TYRO3: variants seen among roughly 807,000 people sequenced by gnomAD.
The protein encoded by TYRO3 is TYRO3 protein tyrosine kinase.
TYRO3 carries 38 observed loss-of-function variants against 95.2 expected under a neutral mutation model. The observed-to-expected ratio is 0.40, with a 90% CI of 0.31 to 0.52. TYRO3 has a LOEUF of 0.52. TYRO3 is among the 20% of genes least tolerant of loss of function. The pLI is 0.56. For synonymous variants in TYRO3, 367 were observed against 432.9 expected (o/e 0.85, Z 1.89); for missense variants, 812 against 1,116.4 (o/e 0.73, Z 3.89).
chr15:41,571,787 G>T, intron 14 of TYRO3, 100 bp downstream of exon 14: 1 of 535,162 alleles, frequency 1.9e-6, no homozygotes. Flanking sequence ...GGACTCATCT[G>T]GTAAATAAAT....
chr15:41,576,821 C>T (rs1454771456), intron 18 of TYRO3, among the ~76,000 whole-genome samples: 3 of 78,346 alleles, frequency 3.8e-5, no homozygotes, highest in East Asian at 7.9e-4. Flanking sequence ...ACCACCATAC[C>T]TTGCTTATTA....
Position 41,571,585 on chromosome 15 carries a change from C to T in TYRO3, c.1661-10C>T, listed in dbSNP as rs368336147. The T allele has an allele frequency of 5.5e-5, 67 of 1,217,094 alleles. No homozygotes were observed. Among genetic ancestry groups the T allele is most frequent in the Non-Finnish European group, 7.7e-5 (63 of 820,462 alleles). The allele number at this position is 1,217,094 out of a possible 1,614,324, so 75.4% of individuals were successfully genotyped here. Reference sequence around the variant, plus strand: ...GTTTTATTTCCTCCTTCCCCATCCCCTTCTCCTAGCTGACATCATTGCCTC... The same window carrying T: ...GTTTTATTTCCTCCTTCCCCATCCCTTTCTCCTAGCTGACATCATTGCCTC... On this transcript the variant is annotated splice_polypyrimidine_tract_variant and intron_variant, in intron 13 of 18. Coordinates refer to ENST00000263798, the MANE Select transcript of TYRO3 (RefSeq NM_006293.4).
At chr15:41,567,318 A>G in intron 6 of TYRO3, 42 bp from the exon 7 acceptor site, 1 of 1,431,358 alleles carries the variant, frequency 7.0e-7, no homozygotes, top group South Asian at 1.6e-5. Flanking sequence ...TCCATCTCTC[A>G]CAGGCTCTCC....
rs149970849 is a variant in TYRO3, at chr15:41,570,746, G to A, written c.1579+47G>A. ...TGGGCATGGCTGGTTTGCTGTAGCTGGAAGTGTTTGGTTGCCCCTGTCACT... is the reference window on the plus strand; with the variant it reads ...TGGGCATGGCTGGTTTGCTGTAGCTAGAAGTGTTTGGTTGCCCCTGTCACT... On this transcript the variant is annotated intron_variant, in intron 12 of 18. Coordinates refer to ENST00000263798, the MANE Select transcript of TYRO3 (RefSeq NM_006293.4). 600 of 1,433,930 alleles carry A rather than the reference G, an allele frequency of 4.2e-4. 3 individuals are homozygous for A. In the African/African-American group the frequency reaches 6.6e-3, roughly 16 times the overall value. The allele number at this position is 1,433,930 out of a possible 1,614,324, so 88.8% of individuals were successfully genotyped here. A position where few individuals can be genotyped will look rare whatever the true frequency, so the allele number is the denominator to read the frequency against.
rs1368152082 is a variant in TYRO3 at position 41,578,600 on chromosome 15, G to C, written c.*324G>C. 2.4e-6 allele frequency: 1 copy of C among 418,632 alleles called. No homozygotes were observed. Among genetic ancestry groups the C allele is most frequent in the South Asian group, 2.7e-5 (1 of 36,652 alleles). 25.9% of individuals were successfully genotyped at this position (418,632 alleles called of 1,614,324 possible). On this transcript the variant is annotated 3_prime_UTR_variant, in exon 19 of 19. Transcript: ENST00000263798. ...TGGGTGTGGATGGCAGTGTGGGGAGGGCAGGTCCAGCTCTGTGGGCCCTAC... is the reference window on the plus strand; with the variant it reads ...TGGGTGTGGATGGCAGTGTGGGGAGCGCAGGTCCAGCTCTGTGGGCCCTAC...
chr15:41,559,835 A>G (rs750345187), intron 1 of TYRO3, among the ~76,000 whole-genome samples: 2 of 152,238 alleles, frequency 1.3e-5, no homozygotes, highest in Non-Finnish European at 2.9e-5. Context: ...GAGGGTGCCC[A>G]GTCACAAAAA....
At chr15:41,574,566 A>G in intron 18 of TYRO3, 1 of 445,046 alleles carries the variant, frequency 2.2e-6, no homozygotes, top group Non-Finnish European at 4.5e-6. Flanking sequence ...CTAGTAAGTG[A>G]ATAAGTTGGA....
intron 6 of TYRO3, among the ~76,000 whole-genome samples, chr15:41,566,598 G>A (rs2055728239): frequency 6.6e-6 from 1 of 152,206 alleles, no homozygotes; most frequent in Admixed American, 6.5e-5. Context: ...CCAAGGGGCA[G>A]CCATTCGTGA....
Position 41,570,330 on chromosome 15 carries a change from C to G in TYRO3, c.1473C>G (p.Ile491Met). ...RSFNRERPERIEATLDSLGIS... is the reference protein window; with the variant it reads ...RSFNRERPERMEATLDSLGIS... ...TCAATCGAGAAAGGCCCGAGCGCAT[C>G]GAGGCCACATGTGAGTGGTGGGTGA... Residue 491 changes from isoleucine to methionine, a missense_variant, in exon 11 of 19, where the codon ATC becomes ATG. By Grantham distance (10) the Ile-to-Met change is conservative. Transcript: ENST00000263798. 6.2e-7 allele frequency: 1 copy of G among 1,614,014 alleles called. No individual in the cohort carries two copies. The highest frequency in any genetic ancestry group is 8.5e-7 in the Non-Finnish European group (1 of 1,179,966).
intron 1 of TYRO3, 69 bp from the exon 2 acceptor site, chr15:41,561,058 G>C (rs747606433): frequency 6.3e-6 from 10 of 1,580,756 alleles, no homozygotes; most frequent in Non-Finnish European, 8.7e-6. Flanking sequence ...CCTTCTAGAA[G>C]AGAATGGGAA....
In TYRO3 at chr15:41,580,643, A is replaced by C. The variant is rs1008225641; in HGVS notation, c.*2367A>C. 3 of 127,022 alleles carry C rather than the reference A, an allele frequency of 2.4e-5. No homozygotes were observed. Among genetic ancestry groups the C allele is most frequent in the African/African-American group, 9.4e-5 (3 of 32,040 alleles). 7.9% of individuals were successfully genotyped at this position (127,022 alleles called of 1,614,324 possible). ...TGGCGTGTATTTTTTTTTTTTTTTG[A>C]GACGGAGTCTCGAGTCTCTCTCTGT... is the stretch of plus-strand genomic sequence containing the variant. On this transcript the variant is annotated 3_prime_UTR_variant, in exon 19 of 19. Transcript: ENST00000263798.
Position 41,567,388 on chromosome 15 carries a change from T to G in TYRO3, c.812T>G (p.Val271Gly). The G allele has an allele frequency of 6.3e-7, 1 of 1,590,042 alleles. No individual in the cohort carries two copies. Among genetic ancestry groups the G allele is most frequent in the Non-Finnish European group, 8.5e-7 (1 of 1,171,584 alleles). Residue 271 changes from valine to glycine, a missense_variant, in exon 7 of 19, where the codon GTC (valine) becomes GGC (glycine). By Grantham distance (109) the Val-to-Gly change is moderately radical (BLOSUM62 -3). Coordinates refer to ENST00000263798, the MANE Select transcript of TYRO3 (RefSeq NM_006293.4). ...ACACAGGCCCCAGGAGGCTGGGAAG[T>G]CCTGGCTGTTGTGGTCCCTGTGCCC... ...QVTQAPGGWE[V>G]LAVVVPVPPF...
chr15:41,563,448 GCTAGGTTCTC>G (rs1158835940), intron 4 of TYRO3, among the ~76,000 whole-genome samples: 30 of 152,216 alleles, frequency 2.0e-4, no homozygotes, highest in African/African-American at 6.8e-4. Context: ...TGGGCGCTGA[GCTAGGTTCTC>G]CAGCAATTTG....
Position 41,562,544 on chromosome 15 carries a change from C to T in TYRO3, c.410-4C>T, listed in dbSNP as rs771536323. 4 of 1,373,464 alleles carry T rather than the reference C, an allele frequency of 2.9e-6. No individual in the cohort carries two copies. Among genetic ancestry groups the T allele is most frequent in the Non-Finnish European group, 4.0e-6 (4 of 1,007,548 alleles). 85.1% of individuals were successfully genotyped at this position (1,373,464 alleles called of 1,614,324 possible). On this transcript the variant is annotated splice_polypyrimidine_tract_variant and splice_region_variant and intron_variant, in intron 3 of 18. Coordinates refer to ENST00000263798, the MANE Select transcript of TYRO3 (RefSeq NM_006293.4). ...GCTCACTCCTCACTCCCCTTCTCTC[C>T]TAGGTGTGCCATTTTTCACAGTGGA...
intron 5 of TYRO3, chr15:41,564,704 C>T: frequency 2.6e-6 from 1 of 389,174 alleles, no homozygotes; most frequent in Non-Finnish European, 4.8e-6. Context: ...GCTGCAGGGG[C>T]AGCTGCCTGT....
intron 15 of TYRO3, 99 bp from the exon 16 acceptor site, chr15:41,572,902 TC>T (rs1394338078): frequency 1.1e-6 from 1 of 951,452 alleles, no homozygotes; most frequent in African/African-American, 1.7e-5. Context: ...TTCCAGTGAT[TC>T]TGGGGACAGC....
Position 41,564,752 on chromosome 15 carries a change from C to A in TYRO3, c.668-274C>A, listed in dbSNP as rs1442570272. ...TCTCCCAAGCCTGAGGTGCTGCCCCCACATACCCTCTCATCTTATTCCTCA... is the reference window on the plus strand; with the variant it reads ...TCTCCCAAGCCTGAGGTGCTGCCCCAACATACCCTCTCATCTTATTCCTCA... On this transcript the variant is annotated intron_variant, in intron 5 of 18. Transcript: ENST00000263798. 6.5e-6 allele frequency: 3 copies of A among 460,460 alleles called. No homozygotes were observed. The South Asian group carries it at 6.8e-5, about 10-fold the overall frequency. The allele number at this position is 460,460 out of a possible 1,614,324, so 28.5% of individuals were successfully genotyped here.
Position 41,581,503 on chromosome 15 carries a change from G to A in TYRO3, c.*3227G>A, listed in dbSNP as rs1455180268. The A allele has an allele frequency of 1.3e-5, 2 of 152,488 alleles. No individual in the cohort carries two copies. The highest frequency in any genetic ancestry group is 2.9e-5 in the Non-Finnish European group (2 of 68,028). 9.4% of individuals were successfully genotyped at this position (152,488 alleles called of 1,614,324 possible). A position where few individuals can be genotyped will look rare whatever the true frequency, so the allele number is the denominator to read the frequency against. On this transcript the variant is annotated 3_prime_UTR_variant, in exon 19 of 19. Coordinates refer to ENST00000263798, the MANE Select transcript of TYRO3 (RefSeq NM_006293.4). The stretch of plus-strand genomic sequence containing the variant: ...CACTGCAGGTAGTGATTACCTGTGA[G>A]ATAACATCTGGGAATTATTGATTGA...
chr15:41,560,432 C>T (rs60225874), intron 1 of TYRO3, among the ~76,000 whole-genome samples: 53,195 of 113,404 alleles, frequency 0.47, 11,070 homozygotes, highest in Middle Eastern at 0.59. Context: ...TGTGTGTGCG[C>T]GCGCGCGCGC....
Sources: allele counts gnomAD v4.1 joint callset (sites outside exome capture counted in the v4.1 genomes callset), GRCh38; gene constraint gnomAD v4.1.1; transcripts MANE v1.5; gene names NCBI Gene and HGNC (gene_info 2026-07-23, HGNC 2026-07-21).